The following COL26A1 variants were observed in gnomAD, a reference collection of about 807,000 sequenced individuals.
COL26A1 encodes collagen alpha-1(XXVI) chain.
COL26A1 carries 41 observed loss-of-function variants against 59.3 expected under a neutral mutation model. That is an observed-to-expected ratio of 0.69 (90% CI 0.54 to 0.90). The LOEUF (loss-of-function observed/expected upper bound fraction) is 0.90. Among genes scored for constraint, COL26A1 ranks in the 40% least tolerant of loss-of-function variants. The pLI is 0.00. For missense variants in COL26A1, 612 were observed against 602.3 expected (o/e 1.02, Z -0.17); for synonymous variants, 266 against 256.0 (o/e 1.04, Z -0.37).
intron 1 of COL26A1, among the ~76,000 whole-genome samples, chr7:101,367,125 G>T (rs1791066001): frequency 6.6e-6 from 1 of 152,196 alleles, no homozygotes; most frequent in African/African-American, 2.4e-5. Flanking sequence ...TAGGTTGGAA[G>T]GTTTGATTAG....
At chr7:101,407,598 G>A (rs1344258651) in intron 1 of COL26A1, among the ~76,000 whole-genome samples, 5 of 151,902 alleles carry the variant, frequency 3.3e-5, no homozygotes, top group African/African-American at 9.7e-5. Flanking sequence ...CCTCATGGCA[G>A]ACACAGGGAG....
intron 5 of COL26A1, among the ~76,000 whole-genome samples, chr7:101,543,200 C>T (rs1261767995): frequency 6.6e-6 from 1 of 151,802 alleles, no homozygotes; most frequent in African/African-American, 2.4e-5. Context: ...GAGACGGTCT[C>T]GCTCTGTAAG....
intron 2 of COL26A1, among the ~76,000 whole-genome samples, chr7:101,424,961 C>A (rs1275895617): frequency 2.6e-5 from 4 of 152,060 alleles, no homozygotes; most frequent in Non-Finnish European, 5.9e-5. Context: ...CTCCCTTTGT[C>A]CCCCAGGCTG....
intron 1 of COL26A1, among the ~76,000 whole-genome samples, chr7:101,377,037 T>G (rs1791334264): frequency 6.6e-6 from 1 of 152,024 alleles, no homozygotes; most frequent in Non-Finnish European, 1.5e-5. Flanking sequence ...TGTTGTATGT[T>G]TAGTAGAGAT....
At chr7:101,399,808 A>C (rs1229693990) in intron 1 of COL26A1, among the ~76,000 whole-genome samples, 1 of 152,196 alleles carries the variant, frequency 6.6e-6, no homozygotes, top group Non-Finnish European at 1.5e-5. Flanking sequence ...TCTGATCACA[A>C]AATATGTTAG....
chr7:101,518,084 G>A (rs185743612), intron 3 of COL26A1, among the ~76,000 whole-genome samples: 8 of 152,186 alleles, frequency 5.3e-5, no homozygotes, highest in African/African-American at 1.9e-4. Flanking sequence ...AAAGTACTGG[G>A]ATTACAGGTG....
At chr7:101,528,955 C>A (rs145252195) in intron 3 of COL26A1, among the ~76,000 whole-genome samples, 10,351 of 152,168 alleles carry the variant, frequency 0.068, 456 homozygotes, top group Non-Finnish European at 0.095. Context: ...CACTTGAGGT[C>A]AGGAGTTCGA....
At chr7:101,470,557 A>T (rs907503328) in intron 3 of COL26A1, among the ~76,000 whole-genome samples, 2 of 151,608 alleles carry the variant, frequency 1.3e-5, no homozygotes, top group South Asian at 4.1e-4. Context: ...CAAGGACTGT[A>T]TCGCCGTTGC....
At chr7:101,393,578 A>T (rs1044794275) in intron 1 of COL26A1, among the ~76,000 whole-genome samples, 1 of 152,154 alleles carries the variant, frequency 6.6e-6, no homozygotes, top group Non-Finnish European at 1.5e-5. Context: ...CACACCCAGG[A>T]TCAATACTTT....
At chr7:101,497,192 C>T (rs10260407) in intron 3 of COL26A1, among the ~76,000 whole-genome samples, 13,866 of 151,950 alleles carry the variant, frequency 0.091, 1,272 homozygotes, top group African/African-American at 0.24. Context: ...GAGCCAAGAT[C>T]AGGCCATTAC....
rs368861839 is a variant in COL26A1, at chr7:101,374,073, C to T, written c.158+10883C>T. 3.3e-5 allele frequency among the ~76,000 whole-genome samples: 5 copies of T among 152,234 alleles called. No homozygotes were observed. In the East Asian group the frequency reaches 9.7e-4, roughly 29 times the overall value. ...TCGGGAATGTTAGCACAAAGTGCTC[C>T]GGGAATTCTGCAGACAATCCTACGG... On this transcript the variant is annotated intron_variant, in intron 1 of 12. Transcript: ENST00000313669.
chr7:101,541,709 G>A (rs1795620880), intron 5 of COL26A1, among the ~76,000 whole-genome samples: 1 of 152,060 alleles, frequency 6.6e-6, no homozygotes, highest in Admixed American at 6.6e-5. Flanking sequence ...CTACCTACTG[G>A]TCTGGGCTCT....
chr7:101,493,648 C>T (rs1463834146), intron 3 of COL26A1, among the ~76,000 whole-genome samples: 2 of 150,314 alleles, frequency 1.3e-5, no homozygotes, highest in Non-Finnish European at 3.0e-5. Flanking sequence ...TATGGCCGGG[C>T]GCGGTAGCTC....
chr7:101,456,389 TTC>T lies in COL26A1; in HGVS notation c.385+8604_385+8605del, dbSNP rs1287179423. ...ATGCTGAGCTAATTAAAAAAAAAAA[TTC>T]TGTCTGGGCGCGGTGTCTCACGCCT... On this transcript the variant is annotated intron_variant, in intron 3 of 12. Transcript: ENST00000313669. Among the ~76,000 whole-genome samples the T allele has an allele frequency of 2.6e-5, 4 of 151,458 alleles. No individual in the cohort carries two copies. In the East Asian group the frequency reaches 5.9e-4, roughly 22 times the overall value.
At chr7:101,473,397 G>T (rs991700372) in intron 3 of COL26A1, among the ~76,000 whole-genome samples, 2 of 151,998 alleles carry the variant, frequency 1.3e-5, no homozygotes, top group African/African-American at 4.8e-5. Context: ...TTTTGCTGCC[G>T]CTTTTTGGTC....
At chr7:101,365,788 G>A (rs1052478063) in intron 1 of COL26A1, among the ~76,000 whole-genome samples, 13 of 148,604 alleles carry the variant, frequency 8.7e-5, no homozygotes, top group South Asian at 2.1e-4. Flanking sequence ...GTATATTCAT[G>A]TAATACTTTT....
intron 3 of COL26A1, among the ~76,000 whole-genome samples, chr7:101,472,697 T>A (rs1380520822): frequency 6.6e-6 from 1 of 152,204 alleles, no homozygotes; most frequent in Admixed American, 6.5e-5. Flanking sequence ...CTCAGCCAAC[T>A]GTTCCACCAT....
intron 9 of COL26A1, 56 bp from the exon 10 acceptor site, chr7:101,551,052 A>G: frequency 6.5e-7 from 1 of 1,534,970 alleles, no homozygotes; most frequent in African/African-American, 1.4e-5. Context: ...GCCAGAGGGC[A>G]CTGGAGACTT....
chr7:101,438,843 G>T (rs531768044), intron 2 of COL26A1, among the ~76,000 whole-genome samples: 16 of 148,994 alleles, frequency 1.1e-4, no homozygotes, highest in African/African-American at 3.9e-4. Context: ...GCTAATTTTT[G>T]TATTTTTAGT....
Sources: allele counts gnomAD v4.1 joint callset (sites outside exome capture counted in the v4.1 genomes callset), GRCh38; gene constraint gnomAD v4.1.1; transcripts MANE v1.5; gene names NCBI Gene and HGNC (gene_info 2026-07-23, HGNC 2026-07-21).